Variants in RASGRF1 observed in about 807,000 individuals in gnomAD.
RASGRF1 encodes the protein ras-specific guanine nucleotide-releasing factor 1.
A neutral mutation model predicts 138.7 loss-of-function variants in RASGRF1; 40 were observed. That is an observed-to-expected ratio of 0.29 (90% CI 0.22 to 0.38). The LOEUF (loss-of-function observed/expected upper bound fraction) is 0.38, where lower values mean the gene tolerates loss of function less well. RASGRF1 is among the 10% of genes least tolerant of loss of function. The pLI, the probability that RASGRF1 is intolerant of heterozygous loss-of-function variation, is 1.00. For synonymous variants in RASGRF1, 614 were observed against 663.2 expected, an observed-to-expected ratio of 0.93 and a Z score of 1.14; for missense variants, 1,108 against 1,650.4, an observed-to-expected ratio of 0.67 and a Z score of 5.69.
chr15:79,001,615 C>T, intron 16 of RASGRF1, 47 bp downstream of exon 16: 1 of 1,601,680 alleles, frequency 6.2e-7, no homozygotes, highest in African/African-American at 1.3e-5. Flanking sequence ...CTACTGCCCT[C>T]TCCCAAACTG....
At chr15:79,059,964 TCACACACACACACACACAGACACACAGA>T (rs61629122) in intron 2 of RASGRF1, among the ~76,000 whole-genome samples, 15,286 of 124,200 alleles carry the variant, frequency 0.12, 1,002 homozygotes, top group East Asian at 0.31. Flanking sequence ...ACTGATACAC[TCACACACACACACACACAGACACACAGA>T]CACACACACA....
At chr15:79,017,089 A>G (rs2056889639) in intron 12 of RASGRF1, among the ~76,000 whole-genome samples, 3 of 152,208 alleles carry the variant, frequency 2.0e-5, no homozygotes, top group Admixed American at 2.0e-4. Context: ...TGCTGCTGAC[A>G]GCCTCTTTAT....
At position 79,006,245 on chromosome 15, in the gene RASGRF1, G is replaced by C; in HGVS notation, c.2016C>G (p.Ile672Met). Reference protein sequence around the residue: ...LHSYRVFTTAIVVLDKLITIY... With the variant: ...LHSYRVFTTAMVVLDKLITIY... Reference sequence around the variant, plus strand: ...TGGTAATGAGCTTGTCCAGGACCACGATGGCGGTGGTGAAGACGCGGTAGG... The same window carrying C: ...TGGTAATGAGCTTGTCCAGGACCACCATGGCGGTGGTGAAGACGCGGTAGG... The change falls in exon 14 of 27, where the codon ATC becomes ATG. Residue 672 changes from isoleucine (I) to methionine (M), a missense_variant. Around this residue, in one of 3 missense-constraint regions of RASGRF1, gnomAD observed 686 missense variants for 976.7 expected, o/e 0.70. Coordinates refer to ENST00000558480, the MANE Select transcript of RASGRF1 (RefSeq NM_001145648.3). The surrounding 1 kb of genome is among the most constrained non-coding windows in gnomAD (Gnocchi z 4.0). 6.2e-7 allele frequency: 1 copy of C among 1,614,200 alleles called. No individual in the cohort carries two copies. The highest frequency in any genetic ancestry group is 8.5e-7 in the Non-Finnish European group (1 of 1,180,036).
chr15:79,034,176 T>C (rs1344501998), intron 6 of RASGRF1, among the ~76,000 whole-genome samples: 2 of 152,254 alleles, frequency 1.3e-5, no homozygotes. Flanking sequence ...GTCTGCTCTG[T>C]GCCCTCCACC....
At chr15:79,015,434 G>C in intron 12 of RASGRF1, 25 bp from the exon 13 acceptor site, 1 of 1,595,456 alleles carries the variant, frequency 6.3e-7, no homozygotes, top group Non-Finnish European at 8.6e-7. Flanking sequence ...AGGACCCCAG[G>C]GTCAGAGCTC....
intron 1 of RASGRF1, among the ~76,000 whole-genome samples, chr15:79,086,563 A>T (rs2057982548): frequency 8.0e-6 from 1 of 124,686 alleles, no homozygotes; most frequent in African/African-American, 3.8e-5. Flanking sequence ...TGGGTAGACA[A>T]CAGGTTCTAA....
At chr15:79,012,651 T>C (rs1338189598) in intron 13 of RASGRF1, 5 of 1,400,990 alleles carry the variant, frequency 3.6e-6, no homozygotes, top group African/African-American at 1.5e-5. Flanking sequence ...TTTTCTTTCA[T>C]AGGTGATTTT....
chr15:78,972,583 T>C (rs898058676), intron 25 of RASGRF1, among the ~76,000 whole-genome samples: 1 of 152,132 alleles, frequency 6.6e-6, no homozygotes, highest in African/African-American at 2.4e-5. Context: ...ATCAGCCACT[T>C]CCTTAGCGCC....
intron 25 of RASGRF1, 67 bp from the exon 26 acceptor site, chr15:78,972,001 G>A (rs2141598534): frequency 2.2e-6 from 3 of 1,340,950 alleles, no homozygotes; most frequent in Non-Finnish European, 3.2e-6. Context: ...ACTTTGCAGA[G>A]CTGAAGGGGC....
In RASGRF1 at chr15:79,073,587, G is replaced by T. The variant is rs1291613725; in HGVS notation, c.277-9061C>A. On this transcript the variant is annotated intron_variant, in intron 1 of 26. Transcript: ENST00000558480. The surrounding 1 kb of genome is among the most constrained non-coding windows in gnomAD (Gnocchi z 4.2). ...AGGGTGGCACTGGCAGACACGGGGT[G>T]CCGCTGAGTTGCACTGAGGGTGGGA... Among the ~76,000 whole-genome samples the T allele has an allele frequency of 1.3e-5, 2 of 152,166 alleles. No homozygotes were observed. Among genetic ancestry groups the T allele is most frequent in the Non-Finnish European group, 2.9e-5 (2 of 68,018 alleles).
chr15:78,985,297 A>G (rs2056128803), intron 22 of RASGRF1, 93 bp from the exon 23 acceptor site: 6 of 1,279,642 alleles, frequency 4.7e-6, no homozygotes, highest in African/African-American at 1.5e-5. Context: ...TGCCTGCTTG[A>G]AAATACAAGA....
At chr15:79,000,984 G>A (rs2056509260) in intron 16 of RASGRF1, among the ~76,000 whole-genome samples, 1 of 152,186 alleles carries the variant, frequency 6.6e-6, no homozygotes, top group Non-Finnish European at 1.5e-5. Context: ...CTGCCTGGGA[G>A]GTGGGTCCCC....
At chr15:79,033,633 G>A (rs1438007368) in intron 6 of RASGRF1, among the ~76,000 whole-genome samples, 1 of 124,354 alleles carries the variant, frequency 8.0e-6, no homozygotes, top group Non-Finnish European at 1.6e-5. Context: ...TGCCCAGGCT[G>A]GAGTGGAGTG....
intron 24 of RASGRF1, among the ~76,000 whole-genome samples, chr15:78,975,962 C>G (rs1390996730): frequency 6.6e-6 from 1 of 152,106 alleles, no homozygotes; most frequent in Non-Finnish European, 1.5e-5. Flanking sequence ...GAGAGGTGCT[C>G]TCCCCCTTCA....
intron 16 of RASGRF1, among the ~76,000 whole-genome samples, chr15:79,000,866 G>A (rs2056506331): frequency 6.6e-6 from 1 of 152,220 alleles, no homozygotes; most frequent in Non-Finnish European, 1.5e-5. Context: ...CGGTGACCCT[G>A]TTACCTATTG....
chr15:79,038,117 A>G (rs985426762), intron 5 of RASGRF1, among the ~76,000 whole-genome samples: 3 of 152,166 alleles, frequency 2.0e-5, no homozygotes, highest in Admixed American at 1.3e-4. Flanking sequence ...CCAGATTCTA[A>G]CAGGTCACAG....
At chr15:79,035,017 G>A in intron 6 of RASGRF1, 114 bp downstream of exon 6, 2 of 800,236 alleles carry the variant, frequency 2.5e-6, no homozygotes, top group Non-Finnish European at 1.9e-6. Context: ...GATTCTGTGG[G>A]TTTTAAAAAG....
intron 1 of RASGRF1, among the ~76,000 whole-genome samples, chr15:79,080,592 G>A (rs1190483065): frequency 2.0e-5 from 3 of 152,120 alleles, no homozygotes; most frequent in Non-Finnish European, 4.4e-5. Context: ...TACCAGCTAA[G>A]GTTACCAAAA....
chr15:78,997,574 A>G (rs1048176363), intron 19 of RASGRF1, among the ~76,000 whole-genome samples: 1 of 151,958 alleles, frequency 6.6e-6, no homozygotes. Flanking sequence ...CTCTACTAAA[A>G]ATACAAAAAA....
Sources: allele counts gnomAD v4.1 joint callset (sites outside exome capture counted in the v4.1 genomes callset), GRCh38; gene constraint gnomAD v4.1.1; regional missense constraint gnomAD v4.1.1; non-coding constraint Gnocchi (gnomAD v3.1); transcripts MANE v1.5; gene names NCBI Gene and HGNC (gene_info 2026-07-23, HGNC 2026-07-21).